Variants in NRP1 observed in about 807,000 individuals in gnomAD.
NRP1 encodes neuropilin 1.
A neutral mutation model predicts 106.7 loss-of-function variants in NRP1; 35 were observed. The observed-to-expected ratio is 0.33, with a 90% CI of 0.25 to 0.43. The LOEUF (loss-of-function observed/expected upper bound fraction) is 0.43, where lower values mean the gene tolerates loss of function less well. Ranked by LOEUF, NRP1 falls within the 20% of genes least tolerant of loss-of-function variation. The pLI is 1.00. For synonymous variants in NRP1, 437 were observed against 417.9 expected (o/e 1.05, Z -0.56); for missense variants, 1,024 against 1,170.4 (o/e 0.87, Z 1.83).
rs541266963 is a variant in NRP1, at chr10:33,334,396, G to C, written c.-14C>G. 2 of 1,543,476 alleles carry C rather than the reference G, an allele frequency of 1.3e-6. No homozygotes were observed. The highest frequency in any genetic ancestry group is 1.7e-6 in the Non-Finnish European group (2 of 1,146,572). ...CCCCCTCTCCATTCTCCCTTCTCCGGGTCCGCAGGCAGACGCGGGAGAACG... is the reference window on the plus strand; with the variant it reads ...CCCCCTCTCCATTCTCCCTTCTCCGCGTCCGCAGGCAGACGCGGGAGAACG... On this transcript the variant is annotated 5_prime_UTR_variant, in exon 1 of 17. Coordinates refer to ENST00000374867, the MANE Select transcript of NRP1 (RefSeq NM_003873.7).
intron 6 of NRP1, among the ~76,000 whole-genome samples, chr10:33,244,997 T>C (rs914043645): frequency 6.6e-6 from 1 of 152,228 alleles, no homozygotes; most frequent in Non-Finnish European, 1.5e-5. Context: ...CAGTTCACTT[T>C]TAAAAGCTAA....
intron 13 of NRP1, among the ~76,000 whole-genome samples, chr10:33,188,597 C>T (rs1836178201): frequency 6.6e-6 from 1 of 151,968 alleles, no homozygotes. Context: ...GCTCGTGTGG[C>T]CGGGCGCGGT....
At chr10:33,274,482 GA>G (rs1843542318) in intron 2 of NRP1, among the ~76,000 whole-genome samples, 1 of 152,196 alleles carries the variant, frequency 6.6e-6, no homozygotes. Context: ...CAAGTAAGGG[GA>G]AAGTGATGGG....
intron 2 of NRP1, among the ~76,000 whole-genome samples, chr10:33,314,279 G>T (rs536147975): frequency 6.6e-6 from 1 of 152,078 alleles, no homozygotes; most frequent in Non-Finnish European, 1.5e-5. Context: ...TATAGAGACG[G>T]TATTGCCCAG....
At chr10:33,265,719 T>C (rs1842872900) in intron 3 of NRP1, among the ~76,000 whole-genome samples, 1 of 152,240 alleles carries the variant, frequency 6.6e-6, no homozygotes, top group Non-Finnish European at 1.5e-5. Flanking sequence ...CTCTCAAACC[T>C]TCTTGGACGT....
chr10:33,265,940 A>G (rs1842888280), intron 3 of NRP1, among the ~76,000 whole-genome samples: 1 of 152,204 alleles, frequency 6.6e-6, no homozygotes. Flanking sequence ...GAAAAAATAT[A>G]TATATACATA....
intron 2 of NRP1, among the ~76,000 whole-genome samples, chr10:33,274,661 T>A (rs1843553249): frequency 6.6e-6 from 1 of 152,152 alleles, no homozygotes; most frequent in South Asian, 2.1e-4. Context: ...AAGCTAATCC[T>A]CCACAGGGTG....
intron 10 of NRP1, 151 bp from the exon 11 acceptor site, chr10:33,203,146 T>C: frequency 2.8e-6 from 2 of 714,564 alleles, no homozygotes; most frequent in Non-Finnish European, 2.3e-6. Flanking sequence ...GAGCTAGATA[T>C]ACTTGGATTC....
At chr10:33,328,636 C>T (rs757062671) in intron 2 of NRP1, among the ~76,000 whole-genome samples, 1 of 152,122 alleles carries the variant, frequency 6.6e-6, no homozygotes, top group East Asian at 1.9e-4. Context: ...CTGGATCTGG[C>T]GCCCACCAGC....
At chr10:33,244,448 T>C (rs1841265717) in intron 6 of NRP1, among the ~76,000 whole-genome samples, 1 of 152,210 alleles carries the variant, frequency 6.6e-6, no homozygotes, top group African/African-American at 2.4e-5. Flanking sequence ...TGGATTTCAT[T>C]AACATTTTAC....
At chr10:33,226,019 T>G in intron 7 of NRP1, 115 bp downstream of exon 7, 4 of 1,199,036 alleles carry the variant, frequency 3.3e-6, no homozygotes. Context: ...CACTTTTCAT[T>G]TCAAATCAAT....
intron 3 of NRP1, among the ~76,000 whole-genome samples, chr10:33,267,854 A>G (rs1843025993): frequency 6.6e-6 from 1 of 152,216 alleles, no homozygotes; most frequent in African/African-American, 2.4e-5. Flanking sequence ...GAAGGCAGGA[A>G]GAAGCGGGGC....
chr10:33,281,054 A>ATTT (rs112473156), intron 2 of NRP1, among the ~76,000 whole-genome samples: 10 of 147,252 alleles, frequency 6.8e-5, no homozygotes, highest in African/African-American at 2.2e-4. Context: ...AGCCTTCCAA[A>ATTT]TTTTTTTTTT....
chr10:33,200,123 G>C (rs1256589857), intron 11 of NRP1, among the ~76,000 whole-genome samples: 2 of 152,214 alleles, frequency 1.3e-5, no homozygotes, highest in African/African-American at 4.8e-5. Flanking sequence ...AGGGAGGCCA[G>C]GATACATTAG....
intron 7 of NRP1, among the ~76,000 whole-genome samples, chr10:33,225,602 G>A (rs1046886727): frequency 2.0e-5 from 3 of 152,224 alleles, no homozygotes; most frequent in East Asian, 1.9e-4. Flanking sequence ...AAAGCAGTAC[G>A]GAGGTAGTGT....
intron 5 of NRP1, among the ~76,000 whole-genome samples, chr10:33,255,630 T>C (rs1394885822): frequency 6.6e-6 from 1 of 152,128 alleles, no homozygotes; most frequent in Admixed American, 6.5e-5. Flanking sequence ...TTTTCAATTT[T>C]TAGTAGAGTC....
At chr10:33,276,612 G>C (rs976282861) in intron 2 of NRP1, among the ~76,000 whole-genome samples, 2 of 152,124 alleles carry the variant, frequency 1.3e-5, no homozygotes, top group African/African-American at 4.8e-5. Flanking sequence ...TTTTAATATT[G>C]CCTACTTCGG....
At chr10:33,288,983 A>C (rs1844787536) in intron 2 of NRP1, among the ~76,000 whole-genome samples, 1 of 152,188 alleles carries the variant, frequency 6.6e-6, no homozygotes, top group Admixed American at 6.5e-5. Flanking sequence ...AGAATCAAAA[A>C]CAGTATTGTT....
chr10:33,261,216 G>C (rs1004254890), intron 4 of NRP1, among the ~76,000 whole-genome samples: 1 of 152,028 alleles, frequency 6.6e-6, no homozygotes, highest in Non-Finnish European at 1.5e-5. Flanking sequence ...ATTGTTCCTC[G>C]ATTCAACTCA....
Sources: allele counts gnomAD v4.1 joint callset (sites outside exome capture counted in the v4.1 genomes callset), GRCh38; gene constraint gnomAD v4.1.1; transcripts MANE v1.5; gene names NCBI Gene and HGNC (gene_info 2026-07-23, HGNC 2026-07-21).